Variants in PCDHGA9 observed in about 807,000 individuals in gnomAD.
PCDHGA9 encodes the protein protocadherin gamma subfamily A, 9.
PCDHGA9 carries 37 observed loss-of-function variants against 62.5 expected under a neutral mutation model. The observed-to-expected ratio is 0.59, with a 90% confidence interval of 0.46 to 0.78. The LOEUF (loss-of-function observed/expected upper bound fraction) is 0.78, where lower values mean the gene tolerates loss of function less well. Among genes scored for constraint, PCDHGA9 ranks in the 30% least tolerant of loss-of-function variants. The pLI is 0.00. For missense variants in PCDHGA9, 1,138 were observed against 1,166.2 expected (o/e 0.98, Z 0.35); for synonymous variants, 459 against 484.6 (o/e 0.95, Z 0.69).
Position 141,490,916 on chromosome 5 carries a change from A to C in PCDHGA9, c.2425-3891A>C. 1 of 1,613,724 alleles carries C rather than the reference A, an allele frequency of 6.2e-7. No homozygotes were observed. Among genetic ancestry groups the C allele is most frequent in the Non-Finnish European group, 8.5e-7 (1 of 1,179,736 alleles). ...CATGTGTTTGTCCTAGACGAGAATG[A>C]TAATGCCCCAGCTGTGCTGCACCCA... is the stretch of plus-strand genomic sequence containing the variant. On this transcript the variant is annotated intron_variant, in intron 1 of 3. Transcript: ENST00000573521. This position sits in a 1 kb window ranked among gnomAD's most constrained non-coding sequence, Gnocchi z 5.4.
chr5:141,430,216 A>G (rs1487666733), intron 1 of PCDHGA9, among the ~76,000 whole-genome samples: 1 of 150,536 alleles, frequency 6.6e-6, no homozygotes, highest in Non-Finnish European at 1.5e-5. Flanking sequence ...TTATTATATT[A>G]TATGATTTGT....
In PCDHGA9 at chr5:141,421,624, A is replaced by G; in HGVS notation, c.2424+16248A>G. On this transcript the variant is annotated intron_variant, in intron 1 of 3. Transcript: ENST00000573521. ...AATAGATATTAATGATAACGCCCCC[A>G]GCTTCCAGGAGGACGAAGTGGAGAT... 2.5e-6 allele frequency: 4 copies of G among 1,613,872 alleles called. No homozygotes were observed. The South Asian group carries it at 3.3e-5, about 13-fold the overall frequency.
rs368791778 is a variant in PCDHGA9, at chr5:141,409,216, T to C, written c.2424+3840T>C. The C allele has an allele frequency of 4.3e-6, 7 of 1,613,886 alleles. No homozygotes were observed. The African/African-American group carries it at 9.3e-5, about 22-fold the overall frequency. On this transcript the variant is annotated intron_variant, in intron 1 of 3. Coordinates refer to ENST00000573521, the MANE Select transcript of PCDHGA9 (RefSeq NM_018921.3). ...AGTGTAAAGTAATCATAGAAATCCT[T>C]GATGAAAACGACAACAGCCCAGAAA...
rs754747902 is a variant in PCDHGA9 at position 141,417,898 on chromosome 5, G to T, written c.2424+12522G>T. The T allele has an allele frequency of 5.5e-5, 87 of 1,579,262 alleles. 1 individual carries two copies. The South Asian group carries it at 7.8e-4, about 14-fold the overall frequency. The stretch of plus-strand genomic sequence containing the variant: ...GCGCGCAGAGGCGCCGGGCCGGCCC[G>T]CGGCAGGTACTATTTCCTTTGCTGC... On this transcript the variant is annotated intron_variant, in intron 1 of 3. Coordinates refer to ENST00000573521, the MANE Select transcript of PCDHGA9 (RefSeq NM_018921.3).
chr5:141,410,623 G>T, intron 1 of PCDHGA9: 2 of 1,603,052 alleles, frequency 1.2e-6, no homozygotes, highest in Non-Finnish European at 1.7e-6. Context: ...TGACTTCGGT[G>T]AGTTTCTCTT....
intron 1 of PCDHGA9, chr5:141,423,556 G>A (rs926962652): frequency 2.5e-6 from 4 of 1,613,550 alleles, no homozygotes; most frequent in African/African-American, 2.7e-5. Flanking sequence ...GCCCAACTAT[G>A]GGGACACGCT....
intron 1 of PCDHGA9, chr5:141,414,951 G>A (rs1411406878): frequency 5.6e-6 from 9 of 1,614,092 alleles, no homozygotes; most frequent in Non-Finnish European, 7.6e-6. Flanking sequence ...GCTACCTGGT[G>A]ACCAAGGTGG....
At chr5:141,509,335 G>T (rs113423267) in intron 3 of PCDHGA9, among the ~76,000 whole-genome samples, 106 of 152,262 alleles carry the variant, frequency 7.0e-4, no homozygotes, top group African/African-American at 2.4e-3. Context: ...CTGCCAGCTG[G>T]GCCTGGGCTG....
intron 1 of PCDHGA9, chr5:141,409,236 C>T (rs1305954301): frequency 1.2e-6 from 2 of 1,613,866 alleles, no homozygotes; most frequent in Non-Finnish European, 8.5e-7. Flanking sequence ...GACAACAGCC[C>T]AGAAATAATC....
chr5:141,469,104 C>T (rs1046234848), intron 1 of PCDHGA9, among the ~76,000 whole-genome samples: 1 of 151,760 alleles, frequency 6.6e-6, no homozygotes, highest in Admixed American at 6.6e-5. Flanking sequence ...AAGCAAGAAC[C>T]TGTCTCTAAA....
Position 141,430,658 on chromosome 5 carries a change from G to A in PCDHGA9, c.2424+25282G>A, listed in dbSNP as rs1350572230. ...CCTGGGAGTATGTGGAAACAACGGA[G>A]GAGCTCTGACTTCCCAACTGTCCCA... On this transcript the variant is annotated intron_variant, in intron 1 of 3. Coordinates refer to ENST00000573521, the MANE Select transcript of PCDHGA9 (RefSeq NM_018921.3). The A allele has an allele frequency of 7.2e-6, 8 of 1,105,688 alleles. No individual in the cohort carries two copies. The African/African-American group carries it at 9.5e-5, about 13-fold the overall frequency. The allele number at this position is 1,105,688 out of a possible 1,614,324, so 68.5% of individuals were successfully genotyped here. A position where few individuals can be genotyped will look rare whatever the true frequency, so the allele number is the denominator to read the frequency against.
At position 141,438,956 on chromosome 5, in the gene PCDHGA9, G is replaced by A. The variant is rs140181975; in HGVS notation, c.2424+33580G>A. 3.9e-3 allele frequency among the ~76,000 whole-genome samples: 592 copies of A among 151,974 alleles called. 6 individuals are homozygous for A. Among genetic ancestry groups the A allele is most frequent in the Admixed American group, 0.011 (171 of 15,242 alleles). On this transcript the variant is annotated intron_variant, in intron 1 of 3. Coordinates refer to ENST00000573521, the MANE Select transcript of PCDHGA9 (RefSeq NM_018921.3). ...GCTGGGATTATAGGCATGAGCCACCGCACCCTGCCAACTGTCTGACTTATC... is the reference window on the plus strand; with the variant it reads ...GCTGGGATTATAGGCATGAGCCACCACACCCTGCCAACTGTCTGACTTATC...
In PCDHGA9 at chr5:141,491,759, G is replaced by A; in HGVS notation, c.2425-3048G>A. On this transcript the variant is annotated intron_variant, in intron 1 of 3. Coordinates refer to ENST00000573521, the MANE Select transcript of PCDHGA9 (RefSeq NM_018921.3). The surrounding 1 kb of genome is among the most constrained non-coding windows in gnomAD (Gnocchi z 6.9). ...GGGGGCGGCACTGGAGAAGCCGCCC[G>A]TCCTCATAAGGGATTGAACTTGCAT... 2 of 1,575,392 alleles carry A rather than the reference G, an allele frequency of 1.3e-6. No homozygotes were observed. The highest frequency in any genetic ancestry group is 1.9e-5 in the Admixed American group (1 of 52,640).
At chr5:141,454,850 C>T (rs1208208678) in intron 1 of PCDHGA9, among the ~76,000 whole-genome samples, 3 of 132,848 alleles carry the variant, frequency 2.3e-5, no homozygotes, top group Non-Finnish European at 4.6e-5. Flanking sequence ...CTCTGTCACC[C>T]AGGCTGGAGT....
chr5:141,410,766 AG>A, intron 1 of PCDHGA9: 1 of 1,032,268 alleles, frequency 9.7e-7, no homozygotes, highest in Non-Finnish European at 1.3e-6. Context: ...TTTCAATTAT[AG>A]TTTTCACTAT....
At chr5:141,423,160 G>A (rs1272708122) in intron 1 of PCDHGA9, 16 of 1,613,046 alleles carry the variant, frequency 9.9e-6, no homozygotes, top group Non-Finnish European at 1.2e-5. Flanking sequence ...GAGCCTCGTG[G>A]TGGCCGTCCA....
chr5:141,499,138 G>A (rs765607930), intron 2 of PCDHGA9, among the ~76,000 whole-genome samples: 12 of 152,144 alleles, frequency 7.9e-5, no homozygotes, highest in Non-Finnish European at 1.5e-4. Flanking sequence ...TCCTTTGGGT[G>A]TCTGATCCCA....
rs2154594676 is a variant in PCDHGA9, at chr5:141,511,333, G to A, written c.*160G>A. 6.9e-7 allele frequency: 1 copy of A among 1,441,948 alleles called. No homozygotes were observed. Among genetic ancestry groups the A allele is most frequent in the Non-Finnish European group, 9.2e-7 (1 of 1,085,894 alleles). The allele number at this position is 1,441,948 out of a possible 1,614,324, so 89.3% of individuals were successfully genotyped here. On this transcript the variant is annotated 3_prime_UTR_variant, in exon 4 of 4. Transcript: ENST00000573521. Reference sequence around the variant, plus strand: ...GGAAACAGAAACAAGTGCCCAGTCAGCACCTACCCCTTCCCCCCCAGGGGG... The same window carrying A: ...GGAAACAGAAACAAGTGCCCAGTCAACACCTACCCCTTCCCCCCCAGGGGG...
At position 141,431,850 on chromosome 5, in the gene PCDHGA9, C is replaced by T; in HGVS notation, c.2424+26474C>T. On this transcript the variant is annotated intron_variant, in intron 1 of 3. Transcript: ENST00000573521. The surrounding 1 kb of genome is among the most constrained non-coding windows in gnomAD (Gnocchi z 4.8). ...GTTCCCGAAAACTCTCCCAGAGGGA[C>T]ATTAATTGCCCTTTTAAATGTAAAT... The T allele has an allele frequency of 1.9e-6, 3 of 1,614,234 alleles. No homozygotes were observed. The highest frequency in any genetic ancestry group is 2.2e-5 in the South Asian group (2 of 91,090).
Sources: gnomAD v4.1 joint callset for allele counts (sites outside exome capture counted in the v4.1 genomes callset) on GRCh38, gnomAD v4.1.1 for gene constraint, Gnocchi (gnomAD v3.1) non-coding constraint, MANE v1.5 for transcripts, NCBI Gene and HGNC (gene_info 2026-07-23, HGNC 2026-07-21) for gene names.